The following PCDHA10 variants were observed in gnomAD, a reference collection of about 807,000 sequenced individuals.
PCDHA10 encodes the protein protocadherin alpha-10.
In PCDHA10, 45 loss-of-function variants were observed where a neutral mutation model predicts 61.2. That is an observed-to-expected ratio of 0.74 (90% CI 0.58 to 0.94). The LOEUF is 0.94. Among genes scored for constraint, PCDHA10 ranks in the 40% least tolerant of loss-of-function variants. The pLI is 0.00. For synonymous variants in PCDHA10, 602 were observed against 548.8 expected, an observed-to-expected ratio of 1.10 and a Z score of -1.35; for missense variants, 1,278 against 1,236.2, an observed-to-expected ratio of 1.03 and a Z score of -0.51.
Position 140,857,175 on chromosome 5 carries a change from A to C in PCDHA10, c.1127A>C (p.His376Pro), listed in dbSNP as rs149086377. The change falls in exon 1 of 4, where the codon CAT (histidine) becomes CCT (proline). Residue 376 changes from histidine to proline, a missense_variant. Transcript: ENST00000307360. ...ATTGCCCTAATCAGCGTTTCTGACC[A>C]TGATTCAGGAGCCAACGGACAGGTC... ...TVIALISVSD[H>P]DSGANGQVTC... The C allele has an allele frequency of 2.5e-6, 4 of 1,598,338 alleles. No homozygotes were observed. The South Asian group carries it at 3.3e-5, about 13-fold the overall frequency.
At chr5:140,877,725 G>A (rs570815670) in intron 1 of PCDHA10, 1 of 1,614,124 alleles carries the variant, frequency 6.2e-7, no homozygotes, top group Non-Finnish European at 8.5e-7. Flanking sequence ...GGTCTTACTC[G>A]CAGCAGAGGA....
chr5:140,902,866 C>T (rs1449193268), intron 1 of PCDHA10, among the ~76,000 whole-genome samples: 1 of 152,186 alleles, frequency 6.6e-6, no homozygotes, highest in Non-Finnish European at 1.5e-5. Context: ...TCCAGGTCCA[C>T]CCAAGCTGCT....
At chr5:140,976,970 C>A (rs1294728864) in intron 1 of PCDHA10, among the ~76,000 whole-genome samples, 3 of 152,140 alleles carry the variant, frequency 2.0e-5, no homozygotes, top group African/African-American at 7.2e-5. Context: ...CTTTCCTTTT[C>A]CCTGCCTGAT....
chr5:140,877,153 A>T (rs2056892429), intron 1 of PCDHA10: 2 of 1,613,798 alleles, frequency 1.2e-6, no homozygotes, highest in Non-Finnish European at 1.7e-6. Flanking sequence ...CGAGAACGAC[A>T]ACGCGCCGGC....
intron 3 of PCDHA10, among the ~76,000 whole-genome samples, chr5:140,993,224 G>A (rs547665525): frequency 6.6e-6 from 1 of 152,210 alleles, no homozygotes; most frequent in East Asian, 1.9e-4. Context: ...TTTTTGGTAT[G>A]TTCTCTCTGA....
chr5:140,924,901 A>AATAAAAT lies in PCDHA10; in HGVS notation c.2389-54047_2389-54046insTAAAATA, dbSNP rs145282866. On this transcript the variant is annotated intron_variant, in intron 1 of 3. Transcript: ENST00000307360. The stretch of plus-strand genomic sequence containing the variant: ...CAGAGCAAGAACCTGTCTCAAAAAA[A>AATAAAAT]AAAATAAAATAAAATAAAATAAAAT... 2.3e-3 allele frequency among the ~76,000 whole-genome samples: 186 copies of AATAAAAT among 80,480 alleles called. 2 individuals carry two copies. The highest frequency in any genetic ancestry group is 0.012 in the Middle Eastern group (2 of 162). The allele number at this position is 80,480 out of a possible 152,430, so 52.8% of individuals were successfully genotyped here. A position where few individuals can be genotyped will look rare whatever the true frequency, so the allele number is the denominator to read the frequency against.
chr5:140,888,263 A>G (rs1251792046), intron 1 of PCDHA10, among the ~76,000 whole-genome samples: 1 of 152,136 alleles, frequency 6.6e-6, no homozygotes, highest in East Asian at 1.9e-4. Flanking sequence ...GTTCTTGATA[A>G]GAAACAGTTT....
chr5:140,915,373 C>T (rs1234241584), intron 1 of PCDHA10, among the ~76,000 whole-genome samples: 12 of 152,126 alleles, frequency 7.9e-5, no homozygotes, highest in African/African-American at 2.2e-4. Flanking sequence ...GTAAGTGTCT[C>T]GGCATTGAAG....
chr5:140,870,405 G>A (rs1226660080), intron 1 of PCDHA10: 1 of 1,614,248 alleles, frequency 6.2e-7, no homozygotes, highest in Non-Finnish European at 8.5e-7. Flanking sequence ...CGCCTTCTCT[G>A]TGGGCCACGG....
intron 1 of PCDHA10, chr5:140,926,589 G>T (rs929081687): frequency 1.7e-5 from 5 of 292,778 alleles, no homozygotes; most frequent in Non-Finnish European, 2.5e-5. Flanking sequence ...TCTCGCGCCC[G>T]GGCGGGCGGC....
intron 1 of PCDHA10, among the ~76,000 whole-genome samples, chr5:140,885,133 T>G (rs2060482847): frequency 6.6e-6 from 1 of 152,216 alleles, no homozygotes; most frequent in Admixed American, 6.5e-5. Context: ...CTTTCTTTCT[T>G]TTTTTAAACT....
At chr5:141,007,704 C>T (rs2098341593) in intron 3 of PCDHA10, among the ~76,000 whole-genome samples, 1 of 152,200 alleles carries the variant, frequency 6.6e-6, no homozygotes, top group African/African-American at 2.4e-5. Flanking sequence ...CCTCCTCTGC[C>T]TCCCACCACC....
intron 1 of PCDHA10, chr5:140,875,618 C>T (rs1554167806): frequency 3.1e-6 from 5 of 1,613,806 alleles, no homozygotes; most frequent in Non-Finnish European, 3.4e-6. Context: ...GGCCGCATCG[C>T]TCAGGACCTG....
chr5:140,922,412 G>A lies in PCDHA10; in HGVS notation c.2389-56537G>A, dbSNP rs80310986. Among the ~76,000 whole-genome samples the A allele has an allele frequency of 7.3e-3, 1,117 of 152,260 alleles. 9 individuals carry two copies. Among genetic ancestry groups the A allele is most frequent in the Non-Finnish European group, 0.011 (755 of 68,032 alleles). ...CCTTGTTTTGGATTAAAAAGATCTA[G>A]GTACAGAGGCTGAGGGCAGAACTCT... is the stretch of plus-strand genomic sequence containing the variant. On this transcript the variant is annotated intron_variant, in intron 1 of 3. Coordinates refer to ENST00000307360, the MANE Select transcript of PCDHA10 (RefSeq NM_018901.4).
In PCDHA10 at chr5:140,928,656, T is replaced by A. The variant is rs116598649; in HGVS notation, c.2389-50293T>A. ...TCACAAAAGTGGTAGCAGAGGATGC[T>A]GACAGTGGTTCTAATGCCTGGCTTT... On this transcript the variant is annotated intron_variant, in intron 1 of 3. Transcript: ENST00000307360. 5,180 of 1,614,228 alleles carry A rather than the reference T, an allele frequency of 3.2e-3. 26 individuals are homozygous for A. Among genetic ancestry groups the A allele is most frequent in the African/African-American group, 0.019 (1,449 of 75,056 alleles).
At chr5:140,977,373 A>G (rs1167438428) in intron 1 of PCDHA10, among the ~76,000 whole-genome samples, 1 of 152,168 alleles carries the variant, frequency 6.6e-6, no homozygotes, top group Non-Finnish European at 1.5e-5. Flanking sequence ...TATTTTAGTC[A>G]TATTTCCAGG....
At chr5:140,871,316 TGGTGTGCTCCCGCGC>T in intron 1 of PCDHA10, 1 of 1,614,034 alleles carries the variant, frequency 6.2e-7, no homozygotes, top group Non-Finnish European at 8.5e-7. Context: ...AAGCCCACGC[TGGTGTGCTCCCGCGC>T]GGTGGGGAGC....
At chr5:140,961,271 AC>A (rs1460316643) in intron 1 of PCDHA10, among the ~76,000 whole-genome samples, 1 of 152,208 alleles carries the variant, frequency 6.6e-6, no homozygotes, top group Non-Finnish European at 1.5e-5. Context: ...GCTTCTTTTT[AC>A]CATGGCTCTG....
At chr5:141,006,423 C>T (rs1554260738) in intron 3 of PCDHA10, among the ~76,000 whole-genome samples, 1 of 152,060 alleles carries the variant, frequency 6.6e-6, no homozygotes, top group African/African-American at 2.4e-5. Context: ...CTGTGTTAGC[C>T]AGGATGGTCT....
Sources: allele counts gnomAD v4.1 joint callset (sites outside exome capture counted in the v4.1 genomes callset), GRCh38; gene constraint gnomAD v4.1.1; transcripts MANE v1.5; gene names NCBI Gene and HGNC (gene_info 2026-07-23, HGNC 2026-07-21).